The following EPS15 variants were observed in gnomAD, a reference collection of about 807,000 sequenced individuals.
The protein encoded by EPS15 is epidermal growth factor receptor substrate 15.
EPS15 carries 72 observed loss-of-function variants against 113.8 expected under a neutral mutation model. That is an observed-to-expected ratio of 0.63 (90% CI 0.52 to 0.77). The LOEUF (loss-of-function observed/expected upper bound fraction) is 0.77, where lower values mean the gene tolerates loss of function less well. Among genes scored for constraint, EPS15 ranks in the 30% least tolerant of loss-of-function variants. The pLI, the probability that EPS15 is intolerant of heterozygous loss-of-function variation, is 0.00. For synonymous variants in EPS15, 344 were observed against 363.4 expected (o/e 0.95, Z 0.61); for missense variants, 1,048 against 1,045.8 (o/e 1.00, Z -0.03).
At position 51,409,624 on chromosome 1, in the gene EPS15, C is replaced by A. The variant is rs762870931; in HGVS notation, c.1186G>T (p.Glu396Ter). 6 of 1,613,622 alleles carry A rather than the reference C, an allele frequency of 3.7e-6. No homozygotes were observed. Among genetic ancestry groups the A allele is most frequent in the Non-Finnish European group, 4.2e-6 (5 of 1,179,738 alleles). Reference sequence around the variant, plus strand: ...TGCTCATCCAGTTCATCAAGGAGTTCCTGTACCTGCTGTTTCTGGGCCTGT... The same window carrying A: ...TGCTCATCCAGTTCATCAAGGAGTTACTGTACCTGCTGTTTCTGGGCCTGT... ...KLQAQKQQVQ[E>*]LLDELDEQKA... The change falls in exon 14 of 25, where the codon GAA becomes TAA. Residue 396 changes from glutamate to a stop codon, truncating the protein, a stop_gained. Transcript: ENST00000371733. LOFTEE classifies it high-confidence loss of function.
chr1:51,395,167 G>C (rs1447016580), intron 20 of EPS15, among the ~76,000 whole-genome samples: 1 of 152,024 alleles, frequency 6.6e-6, no homozygotes, highest in African/African-American at 2.4e-5. Flanking sequence ...TTTTATCTTG[G>C]AATAATTTAC....
In EPS15 at chr1:51,412,340, C is replaced by T. The variant is rs140483568; in HGVS notation, c.1114-2644G>A. Among the ~76,000 whole-genome samples, 154 of 152,210 alleles carry T rather than the reference C, an allele frequency of 1.0e-3. 1 individual carries two copies. Among genetic ancestry groups the T allele is most frequent in the African/African-American group, 3.5e-3 (147 of 41,536 alleles). On this transcript the variant is annotated intron_variant, in intron 13 of 24. Coordinates refer to ENST00000371733, the MANE Select transcript of EPS15 (RefSeq NM_001981.3). ...TGTATACCTATGTAACAAACCTGTA[C>T]GTTCCACACATGTATCCCAGAACTT...
chr1:51,363,014 T>C (rs1047796704), intron 23 of EPS15, among the ~76,000 whole-genome samples: 6 of 152,006 alleles, frequency 3.9e-5, no homozygotes, highest in African/African-American at 1.4e-4. Flanking sequence ...GAAAAGAGTC[T>C]TGGCCAGGTG....
At chr1:51,359,174 G>A (rs537148743) in intron 24 of EPS15, among the ~76,000 whole-genome samples, 12 of 152,010 alleles carry the variant, frequency 7.9e-5, no homozygotes, top group Admixed American at 1.3e-4. Context: ...GGCTGGATGC[G>A]GTGGCTCACC....
chr1:51,399,228 C>T (rs1648270436), intron 19 of EPS15, 63 bp from the exon 20 acceptor site: 1 of 1,521,598 alleles, frequency 6.6e-7, no homozygotes, highest in Non-Finnish European at 9.0e-7. Flanking sequence ...TTTCCCATCA[C>T]TTGAAGGTAT....
chr1:51,372,602 C>T, intron 21 of EPS15: 2 of 513,376 alleles, frequency 3.9e-6, no homozygotes, highest in East Asian at 1.1e-4. Context: ...CAAGAAAAGA[C>T]ACTAACCTAA....
intron 1 of EPS15, among the ~76,000 whole-genome samples, chr1:51,486,994 T>A (rs1352073229): frequency 6.6e-6 from 1 of 152,150 alleles, no homozygotes; most frequent in Non-Finnish European, 1.5e-5. Flanking sequence ...AGAAAAAAAT[T>A]AGAATTAAGA....
intron 8 of EPS15, among the ~76,000 whole-genome samples, chr1:51,457,067 C>T (rs1477776837): frequency 5.3e-5 from 8 of 152,102 alleles, no homozygotes; most frequent in Admixed American, 2.0e-4. Flanking sequence ...GGGCAGATCA[C>T]GAGGTCAGGA....
At chr1:51,393,506 G>C (rs1647604547) in intron 21 of EPS15, among the ~76,000 whole-genome samples, 1 of 152,184 alleles carries the variant, frequency 6.6e-6, no homozygotes, top group African/African-American at 2.4e-5. Context: ...CCAGGCTCCT[G>C]TAAAGGCATT....
At chr1:51,379,386 T>C (rs900127955) in intron 21 of EPS15, among the ~76,000 whole-genome samples, 2 of 151,994 alleles carry the variant, frequency 1.3e-5, no homozygotes, top group African/African-American at 4.8e-5. Context: ...TCCCACAGTG[T>C]TGGGATTACA....
intron 21 of EPS15, among the ~76,000 whole-genome samples, chr1:51,375,342 T>G (rs1302074692): frequency 6.6e-6 from 1 of 152,208 alleles, no homozygotes; most frequent in Non-Finnish European, 1.5e-5. Flanking sequence ...AAGTATATTT[T>G]AGAGGTTGGA....
intron 18 of EPS15, 44 bp downstream of exon 18, chr1:51,402,391 C>A: frequency 9.5e-7 from 1 of 1,054,240 alleles, no homozygotes; most frequent in South Asian, 1.5e-5. Flanking sequence ...ATTAAAAAGT[C>A]TTTTTTTTGG....
chr1:51,442,432 T>G (rs1343088172), intron 11 of EPS15, among the ~76,000 whole-genome samples: 1 of 152,092 alleles, frequency 6.6e-6, no homozygotes, highest in East Asian at 1.9e-4. Context: ...TATCATCAAA[T>G]AAGAAGACAA....
chr1:51,405,120 C>G (rs1570224331), intron 16 of EPS15, among the ~76,000 whole-genome samples: 1 of 152,340 alleles, frequency 6.6e-6, no homozygotes. Flanking sequence ...CCCCTCCAAA[C>G]TGTCCTAACT....
At chr1:51,489,968 T>C (rs1197594014) in intron 1 of EPS15, among the ~76,000 whole-genome samples, 2 of 152,234 alleles carry the variant, frequency 1.3e-5, no homozygotes, top group African/African-American at 4.8e-5. Context: ...ACCCTTCTTA[T>C]TGTAAGCTAC....
At chr1:51,515,422 T>C in intron 1 of EPS15, among the ~76,000 whole-genome samples, 1 of 151,586 alleles carries the variant, frequency 6.6e-6, no homozygotes, top group South Asian at 2.1e-4. Context: ...GCAGTGAGCC[T>C]GATCATGCCA....
chr1:51,375,723 T>C (rs1646781199), intron 21 of EPS15, among the ~76,000 whole-genome samples: 1 of 152,224 alleles, frequency 6.6e-6, no homozygotes, highest in Non-Finnish European at 1.5e-5. Flanking sequence ...CTAATTCTCC[T>C]TCTCCATATT....
chr1:51,420,239 CTATAAT>C (rs1261424788), intron 13 of EPS15, among the ~76,000 whole-genome samples: 1 of 152,116 alleles, frequency 6.6e-6, no homozygotes, highest in Non-Finnish European at 1.5e-5. Context: ...AACAAAACTT[CTATAAT>C]TATAAGACAC....
chr1:51,421,905 C>CAGT, intron 12 of EPS15, 47 bp from the exon 13 acceptor site: 1 of 1,608,232 alleles, frequency 6.2e-7, no homozygotes, highest in Non-Finnish European at 8.5e-7. Context: ...ACATCAGCTA[C>CAGT]AGCTGGTATG....
Sources: gnomAD v4.1 joint callset for allele counts (sites outside exome capture counted in the v4.1 genomes callset) on GRCh38, gnomAD v4.1.1 for gene constraint, MANE v1.5 for transcripts, NCBI Gene and HGNC (gene_info 2026-07-23, HGNC 2026-07-21) for gene names.